The following NAALADL2 variants were observed in gnomAD, a reference collection of about 807,000 sequenced individuals.
NAALADL2 encodes inactive N-acetylated-alpha-linked acidic dipeptidase-like protein 2.
Under a neutral mutation model 87.2 loss-of-function variants are expected in NAALADL2, and 76 were observed. That is an observed-to-expected ratio of 0.87 (90% CI 0.72 to 1.05). NAALADL2 has a LOEUF of 1.05. Ranked by LOEUF, NAALADL2 falls within the 50% of genes least tolerant of loss-of-function variation. The pLI is 0.00. For synonymous variants in NAALADL2, 354 were observed against 331.0 expected, an observed-to-expected ratio of 1.07 and a Z score of -0.75; for missense variants, 1,089 against 945.8, an observed-to-expected ratio of 1.15 and a Z score of -1.99.
intron 1 of NAALADL2, among the ~76,000 whole-genome samples, chr3:175,075,974 T>C (rs1396314238): frequency 6.6e-6 from 1 of 152,128 alleles, no homozygotes; most frequent in Non-Finnish European, 1.5e-5. Context: ...GTTCACGTAA[T>C]CCCAGTACTT....
At chr3:175,478,151 T>C (rs1344568) in intron 9 of NAALADL2, among the ~76,000 whole-genome samples, 92,567 of 151,746 alleles carry the variant, frequency 0.61, 30,372 homozygotes, top group East Asian at 0.89. Context: ...TAGTTTTTAA[T>C]GAGAGAAATT....
At chr3:174,652,166 G>A (rs996193055) in intron 2 of NAALADL2, among the ~76,000 whole-genome samples, 1 of 152,166 alleles carries the variant, frequency 6.6e-6, no homozygotes, top group African/African-American at 2.4e-5. Flanking sequence ...GTCAATGGCT[G>A]GGAGAACACA....
intron 1 of NAALADL2, among the ~76,000 whole-genome samples, chr3:174,876,195 A>G (rs1371989675): frequency 6.6e-6 from 1 of 152,180 alleles, no homozygotes; most frequent in Non-Finnish European, 1.5e-5. Flanking sequence ...CTTTGTTATT[A>G]TATGTGTAAA....
chr3:175,489,666 G>T (rs1208461851), intron 9 of NAALADL2, among the ~76,000 whole-genome samples: 1 of 152,086 alleles, frequency 6.6e-6, no homozygotes, highest in African/African-American at 2.4e-5. Flanking sequence ...CCCAAGAGTA[G>T]AAATGACCAT....
At chr3:174,707,832 T>A (rs1249298682) in intron 2 of NAALADL2, among the ~76,000 whole-genome samples, 2 of 150,338 alleles carry the variant, frequency 1.3e-5, no homozygotes, top group African/African-American at 4.9e-5. Flanking sequence ...AAATTGAAAG[T>A]CCAAAGCACA....
intron 1 of NAALADL2, among the ~76,000 whole-genome samples, chr3:175,031,801 A>G (rs1397006879): frequency 6.6e-6 from 1 of 152,010 alleles, no homozygotes; most frequent in Non-Finnish European, 1.5e-5. Context: ...CTTTTTAATA[A>G]TAACCATTCT....
intron 1 of NAALADL2, among the ~76,000 whole-genome samples, chr3:174,956,075 G>T (rs73047091): frequency 6.6e-6 from 1 of 151,936 alleles, no homozygotes. Context: ...AAAAACACTA[G>T]GTTGTTAATT....
chr3:175,511,516 A>G (rs1425649675), intron 9 of NAALADL2, among the ~76,000 whole-genome samples: 1 of 152,230 alleles, frequency 6.6e-6, no homozygotes, highest in South Asian at 2.1e-4. Context: ...ATGCCCCAGA[A>G]GAGACCAAAC....
intron 1 of NAALADL2, among the ~76,000 whole-genome samples, chr3:175,063,066 A>G (rs141021356): frequency 1.9e-3 from 288 of 152,224 alleles, no homozygotes; most frequent in African/African-American, 6.5e-3. Context: ...GGAGCTGGCT[A>G]TGTTTTTTGT....
Position 175,471,650 on chromosome 3 carries a change from G to A in NAALADL2, c.1545G>A (p.Lys515=). 6.7e-7 allele frequency: 1 copy of A among 1,489,554 alleles called. No individual in the cohort carries two copies. Among genetic ancestry groups the A allele is most frequent in the Non-Finnish European group, 9.3e-7 (1 of 1,072,170 alleles). 92.3% of individuals were successfully genotyped at this position (1,489,554 alleles called of 1,614,324 possible). A position where few individuals can be genotyped will look rare whatever the true frequency, so the allele number is the denominator to read the frequency against. ...GSYEWGEDFK[K]VLQKNVVAYI... Reference sequence around the variant, plus strand: ...TTTTGTTATTTCAGGATTTCAAGAAGGTTCTTCAGAAAAATGTTGTGGCTT... The same window carrying A: ...TTTTGTTATTTCAGGATTTCAAGAAAGTTCTTCAGAAAAATGTTGTGGCTT... Residue 515 remains lysine, a synonymous_variant, in exon 9 of 14, where the codon AAG becomes AAA. Coordinates refer to ENST00000454872, the MANE Select transcript of NAALADL2 (RefSeq NM_207015.3).
chr3:174,957,022 G>T (rs1175923701), intron 1 of NAALADL2, among the ~76,000 whole-genome samples: 7 of 151,840 alleles, frequency 4.6e-5, no homozygotes. Context: ...TGTAGCTTCA[G>T]TCACTCTGCT....
chr3:174,761,835 C>T (rs1713011601), intron 3 of NAALADL2, among the ~76,000 whole-genome samples: 1 of 148,996 alleles, frequency 6.7e-6, no homozygotes, highest in Non-Finnish European at 1.5e-5. Context: ...GTTCAGTTCC[C>T]ACCTATGAGT....
At chr3:175,534,022 CATTTATTTATTTATTATAAATAAATT>C (rs1008744386) in intron 9 of NAALADL2, among the ~76,000 whole-genome samples, 3 of 145,294 alleles carry the variant, frequency 2.1e-5, no homozygotes, top group African/African-American at 8.0e-5. Context: ...GTGTCAAATG[CATTTATTTATTTATTATAAATAAATT>C]ATTTATTTAT....
intron 3 of NAALADL2, among the ~76,000 whole-genome samples, chr3:175,251,089 C>T (rs1471223459): frequency 6.6e-6 from 1 of 152,110 alleles, no homozygotes; most frequent in Non-Finnish European, 1.5e-5. Flanking sequence ...ATCTATGGCA[C>T]TCAAATTAAA....
At chr3:174,527,745 A>T (rs560307387) in intron 1 of NAALADL2, among the ~76,000 whole-genome samples, 63 of 152,280 alleles carry the variant, frequency 4.1e-4, no homozygotes, top group African/African-American at 1.5e-3. Context: ...TTAATAAAAC[A>T]TCCATCACAT....
At chr3:175,299,871 C>T (rs1340740420) in intron 4 of NAALADL2, among the ~76,000 whole-genome samples, 1 of 152,140 alleles carries the variant, frequency 6.6e-6, no homozygotes, top group Admixed American at 6.5e-5. Context: ...TGCTGATTTT[C>T]AAAGGAAATG....
At chr3:175,063,956 AGTTACTCT>A (rs1714051120) in intron 1 of NAALADL2, among the ~76,000 whole-genome samples, 1 of 152,254 alleles carries the variant, frequency 6.6e-6, no homozygotes. Context: ...AATCCTGCTG[AGTTACTCT>A]GTGACACTGC....
intron 9 of NAALADL2, among the ~76,000 whole-genome samples, chr3:175,566,451 T>C (rs1337784551): frequency 3.3e-5 from 5 of 152,214 alleles, no homozygotes; most frequent in African/African-American, 1.2e-4. Flanking sequence ...ATTTTTTAGG[T>C]AGAAATGTAT....
intron 9 of NAALADL2, among the ~76,000 whole-genome samples, chr3:175,512,326 A>C (rs80353924): frequency 0.026 from 3,919 of 152,256 alleles, 164 homozygotes; most frequent in African/African-American, 0.088. Context: ...TTAAATGTGA[A>C]TGATCCTGGA....
Sources: allele counts gnomAD v4.1 joint callset (sites outside exome capture counted in the v4.1 genomes callset), GRCh38; gene constraint gnomAD v4.1.1; transcripts MANE v1.5; gene names NCBI Gene and HGNC (gene_info 2026-07-23, HGNC 2026-07-21).